DNAJC1: variants seen among roughly 807,000 people sequenced by gnomAD.
The protein encoded by DNAJC1 is DnaJ heat shock protein family (Hsp40) member C1.
Under a neutral mutation model 76.6 loss-of-function variants are expected in DNAJC1, and 58 were observed. The observed-to-expected ratio is 0.76, with a 90% CI of 0.61 to 0.94. The LOEUF (loss-of-function observed/expected upper bound fraction) is 0.94, where lower values mean the gene tolerates loss of function less well. Ranked by LOEUF, DNAJC1 falls within the 40% of genes least tolerant of loss-of-function variation. The pLI is 0.00. For missense variants in DNAJC1, 689 were observed against 677.3 expected, an observed-to-expected ratio of 1.02 and a Z score of -0.19; for synonymous variants, 258 against 267.9, an observed-to-expected ratio of 0.96 and a Z score of 0.36.
intron 9 of DNAJC1, among the ~76,000 whole-genome samples, chr10:21,791,038 T>TA (rs1834679825): frequency 6.6e-6 from 1 of 152,110 alleles, no homozygotes; most frequent in Non-Finnish European, 1.5e-5. Flanking sequence ...AGAAAAAAGA[T>TA]ACTCCATGCA....
At chr10:21,777,446 A>C (rs1834466443) in intron 9 of DNAJC1, among the ~76,000 whole-genome samples, 2 of 152,228 alleles carry the variant, frequency 1.3e-5, no homozygotes, top group African/African-American at 4.8e-5. Flanking sequence ...TCTGTGGTTC[A>C]AATATTCAAA....
chr10:21,904,162 C>CTTTT (rs1173901100), intron 7 of DNAJC1, among the ~76,000 whole-genome samples: 1 of 152,108 alleles, frequency 6.6e-6, no homozygotes, highest in Non-Finnish European at 1.5e-5. Flanking sequence ...TTCCTAACTA[C>CTTTT]AACTGTTACA....
chr10:21,828,260 T>C (rs1202993912), intron 8 of DNAJC1, among the ~76,000 whole-genome samples: 1 of 152,254 alleles, frequency 6.6e-6, no homozygotes, highest in East Asian at 1.9e-4. Context: ...ATATCCCATG[T>C]GCCCAGCTAG....
intron 9 of DNAJC1, among the ~76,000 whole-genome samples, chr10:21,787,546 C>T (rs1834628142): frequency 6.6e-6 from 1 of 152,140 alleles, no homozygotes; most frequent in Non-Finnish European, 1.5e-5. Flanking sequence ...TACATTTTAA[C>T]AGAAATAACC....
At chr10:21,862,416 T>C (rs952766142) in intron 8 of DNAJC1, among the ~76,000 whole-genome samples, 1 of 150,874 alleles carries the variant, frequency 6.6e-6, no homozygotes, top group Non-Finnish European at 1.5e-5. Context: ...TAAAATACCA[T>C]CTGTTACTAC....
intron 9 of DNAJC1, among the ~76,000 whole-genome samples, chr10:21,778,989 C>T (rs1004329003): frequency 1.3e-5 from 2 of 152,210 alleles, no homozygotes; most frequent in Admixed American, 6.5e-5. Context: ...CATGGAGCCT[C>T]GCTCATCGCT....
At chr10:21,907,353 A>G (rs1836763845) in intron 6 of DNAJC1, among the ~76,000 whole-genome samples, 1 of 151,526 alleles carries the variant, frequency 6.6e-6, no homozygotes. Flanking sequence ...AAATCAAATT[A>G]CAATATGCCC....
chr10:21,830,997 T>C (rs1167722405), intron 8 of DNAJC1, among the ~76,000 whole-genome samples: 1 of 152,194 alleles, frequency 6.6e-6, no homozygotes, highest in African/African-American at 2.4e-5. Context: ...TCTTTCAGAT[T>C]GGTTTTCTTA....
At chr10:21,836,155 C>G (rs975660438) in intron 8 of DNAJC1, among the ~76,000 whole-genome samples, 1 of 152,204 alleles carries the variant, frequency 6.6e-6, no homozygotes, top group East Asian at 1.9e-4. Flanking sequence ...AGCCAGAAGA[C>G]AGCGGGGGCC....
chr10:21,798,560 T>C (rs1322850910), intron 9 of DNAJC1, among the ~76,000 whole-genome samples: 1 of 152,240 alleles, frequency 6.6e-6, no homozygotes, highest in Admixed American at 6.5e-5. Context: ...CTATTTCCTC[T>C]GCCAGCAATG....
intron 6 of DNAJC1, among the ~76,000 whole-genome samples, chr10:21,912,617 A>ATGTG (rs1002583516): frequency 6.6e-6 from 1 of 151,898 alleles, no homozygotes; most frequent in Admixed American, 6.6e-5. Context: ...AGGTTTCTGT[A>ATGTG]TGTGTGTGTG....
chr10:21,848,384 T>C (rs934804447), intron 8 of DNAJC1, among the ~76,000 whole-genome samples: 3 of 152,208 alleles, frequency 2.0e-5, no homozygotes. Context: ...AATATTTTCC[T>C]CCATTCCATA....
At chr10:21,935,909 T>C (rs1187695446) in intron 1 of DNAJC1, among the ~76,000 whole-genome samples, 1 of 152,136 alleles carries the variant, frequency 6.6e-6, no homozygotes, top group Non-Finnish European at 1.5e-5. Flanking sequence ...GTTAAAAAAT[T>C]AGAATTCATT....
chr10:21,944,773 TAAAAAA>T (rs1837476886), intron 1 of DNAJC1, among the ~76,000 whole-genome samples: 2 of 151,988 alleles, frequency 1.3e-5, no homozygotes. Context: ...AGCTGGAAAA[TAAAAAA>T]TAAACAGGAA....
At chr10:21,786,447 T>G (rs1314481171) in intron 9 of DNAJC1, among the ~76,000 whole-genome samples, 34 of 112,892 alleles carry the variant, frequency 3.0e-4, no homozygotes, top group South Asian at 5.6e-4. Flanking sequence ...TATATATATA[T>G]ATATATATAT....
chr10:21,885,919 G>C (rs764249582), intron 7 of DNAJC1, among the ~76,000 whole-genome samples: 4 of 151,792 alleles, frequency 2.6e-5, no homozygotes, highest in African/African-American at 4.8e-5. Flanking sequence ...CATCACAACG[G>C]AAAGAATTAG....
chr10:21,908,215 TTA>T lies in DNAJC1; in HGVS notation c.730-3605_730-3604del, dbSNP rs1319939699. 1.9e-4 allele frequency among the ~76,000 whole-genome samples: 16 copies of T among 82,658 alleles called. 1 individual carries two copies. In the East Asian group the frequency reaches 5.6e-3, roughly 29 times the overall value. 54.2% of individuals were successfully genotyped at this position (82,658 alleles called of 152,430 possible). On this transcript the variant is annotated intron_variant, in intron 6 of 11. Transcript: ENST00000376980. Reference sequence around the variant, plus strand: ...ATATATTATATATATAAAATATATATTATATATAATATATATAAAATATATAT... The same window carrying T: ...ATATATTATATATATAAAATATATATTATATAATATATATAAAATATATAT...
intron 7 of DNAJC1, 32 bp from the exon 8 acceptor site, chr10:21,882,471 G>T: frequency 7.6e-7 from 1 of 1,322,374 alleles, no homozygotes; most frequent in South Asian, 1.6e-5. Flanking sequence ...CAATTATTGA[G>T]ATTTTTAAAG....
intron 7 of DNAJC1, among the ~76,000 whole-genome samples, chr10:21,901,184 CA>C (rs1836646795): frequency 6.6e-6 from 1 of 152,142 alleles, no homozygotes; most frequent in Non-Finnish European, 1.5e-5. Context: ...AAGTACTTGG[CA>C]GTAGAGTTTT....
Sources: allele counts gnomAD v4.1 joint callset (sites outside exome capture counted in the v4.1 genomes callset), GRCh38; gene constraint gnomAD v4.1.1; transcripts MANE v1.5; gene names NCBI Gene and HGNC (gene_info 2026-07-23, HGNC 2026-07-21).